INTU: variants seen among roughly 807,000 people sequenced by gnomAD.
INTU encodes the protein protein inturned.
INTU carries 68 observed loss-of-function variants against 100.5 expected under a neutral mutation model. The ratio of observed to expected loss-of-function variants is 0.68; its 90% CI spans 0.56 to 0.83. INTU has a LOEUF of 0.83. Ranked by LOEUF, INTU falls within the 40% of genes least tolerant of loss-of-function variation. The probability of loss-of-function intolerance (pLI) is 0.00; values close to 1 mark genes in which losing one functional copy is unlikely to be tolerated. For missense variants in INTU, 1,071 were observed against 1,114.7 expected (o/e 0.96, Z 0.56); for synonymous variants, 357 against 395.7 (o/e 0.90, Z 1.16).
intron 2 of INTU, among the ~76,000 whole-genome samples, chr4:127,653,475 A>G (rs886685752): frequency 9.3e-5 from 14 of 150,454 alleles, no homozygotes; most frequent in African/African-American, 3.4e-4. Context: ...TCATTTCGTT[A>G]TGTATCCAGT....
intron 2 of INTU, among the ~76,000 whole-genome samples, chr4:127,651,419 T>A (rs1471427036): frequency 6.6e-6 from 1 of 152,218 alleles, no homozygotes; most frequent in Non-Finnish European, 1.5e-5. Context: ...AGGGATCCAG[T>A]TTCAGCTTTC....
intron 6 of INTU, among the ~76,000 whole-genome samples, chr4:127,679,924 C>T (rs1013301378): frequency 6.6e-6 from 1 of 152,134 alleles, no homozygotes; most frequent in African/African-American, 2.4e-5. Context: ...AAGGAGATAT[C>T]ACCACCGATC....
chr4:127,637,000 T>A (rs1727102036), intron 1 of INTU, among the ~76,000 whole-genome samples: 1 of 152,184 alleles, frequency 6.6e-6, no homozygotes. Flanking sequence ...TGAAGATAAT[T>A]CATTGTCTTC....
At chr4:127,715,285 G>A (rs1223279313) in intron 15 of INTU, among the ~76,000 whole-genome samples, 1 of 152,164 alleles carries the variant, frequency 6.6e-6, no homozygotes, top group Admixed American at 6.6e-5. Flanking sequence ...TTGAGTTGGA[G>A]TAGAGGTTGG....
intron 4 of INTU, 42 bp downstream of exon 4, chr4:127,663,626 A>T (rs1213692100): frequency 6.5e-7 from 1 of 1,536,660 alleles, no homozygotes; most frequent in East Asian, 2.3e-5. Flanking sequence ...GTTTAGTCAA[A>T]AGCCCAAAGG....
intron 2 of INTU, among the ~76,000 whole-genome samples, chr4:127,648,331 G>A (rs1578536152): frequency 1.3e-5 from 2 of 152,274 alleles, no homozygotes; most frequent in African/African-American, 2.4e-5. Flanking sequence ...AAATGTCTGG[G>A]AGAATGAGAA....
In INTU at chr4:127,695,692, T is replaced by C. The variant is rs571902891; in HGVS notation, c.1450-4318T>C. ...TCTTCCTTCCCAATCACGTATTTCA[T>C]GTTCTTGCCTTATTGCATTAGCTAG... On this transcript the variant is annotated intron_variant, in intron 8 of 15. Transcript: ENST00000335251. Among the ~76,000 whole-genome samples, 3 of 152,338 alleles carry C rather than the reference T, an allele frequency of 2.0e-5. No homozygotes were observed. In the South Asian group the frequency reaches 6.2e-4, roughly 32 times the overall value.
chr4:127,637,738 T>G (rs2126171985), intron 1 of INTU, among the ~76,000 whole-genome samples: 1 of 152,350 alleles, frequency 6.6e-6, no homozygotes, highest in Non-Finnish European at 1.5e-5. Context: ...GTTTTGTTGA[T>G]GTATGACTTT....
chr4:127,662,513 A>G lies in INTU; in HGVS notation c.769-868A>G, dbSNP rs188453767. 4.6e-5 allele frequency among the ~76,000 whole-genome samples: 7 copies of G among 152,252 alleles called. No individual in the cohort carries two copies. In the East Asian group the frequency reaches 1.3e-3, roughly 29 times the overall value. On this transcript the variant is annotated intron_variant, in intron 3 of 15. Transcript: ENST00000335251. The stretch of plus-strand genomic sequence containing the variant: ...CAATTTTGGTACTTCTTTGAAATGA[A>G]CGAGTTATCTTTGACCAATTGGTAT...
intron 8 of INTU, among the ~76,000 whole-genome samples, chr4:127,694,931 G>A (rs1346506343): frequency 6.6e-6 from 1 of 152,158 alleles, no homozygotes; most frequent in Non-Finnish European, 1.5e-5. Context: ...CTTAAAGTAG[G>A]ATAGTATCAG....
intron 10 of INTU, among the ~76,000 whole-genome samples, chr4:127,704,597 A>G (rs1205443764): frequency 1.3e-5 from 2 of 152,012 alleles, no homozygotes; most frequent in African/African-American, 4.8e-5. Context: ...GCCTGACCAG[A>G]TTAAGACCTT....
At chr4:127,637,779 T>C (rs1295996018) in intron 1 of INTU, among the ~76,000 whole-genome samples, 1 of 152,178 alleles carries the variant, frequency 6.6e-6, no homozygotes, top group Non-Finnish European at 1.5e-5. Flanking sequence ...GTATCACTAA[T>C]TTAGTGATGC....
intron 2 of INTU, among the ~76,000 whole-genome samples, chr4:127,646,844 T>G (rs1727616695): frequency 6.6e-6 from 1 of 152,104 alleles, no homozygotes; most frequent in South Asian, 2.1e-4. Flanking sequence ...ATAACAAAAT[T>G]TATTGTTAGT....
chr4:127,692,555 T>C (rs1578613032), intron 8 of INTU, among the ~76,000 whole-genome samples: 1 of 152,140 alleles, frequency 6.6e-6, no homozygotes, highest in East Asian at 1.9e-4. Flanking sequence ...ACTCTGATGA[T>C]TATTTATTTT....
At chr4:127,698,630 C>G (rs1009873866) in intron 8 of INTU, among the ~76,000 whole-genome samples, 5 of 152,036 alleles carry the variant, frequency 3.3e-5, no homozygotes, top group Non-Finnish European at 7.4e-5. Flanking sequence ...TTTAGTTTTT[C>G]TTCCCAGATA....
chr4:127,665,340 A>G (rs928748301), intron 4 of INTU, among the ~76,000 whole-genome samples: 1 of 151,568 alleles, frequency 6.6e-6, no homozygotes, highest in African/African-American at 2.4e-5. Flanking sequence ...TAAATTTACA[A>G]TTGTGCCTCA....
chr4:127,711,108 G>A lies in INTU; in HGVS notation c.2559+6G>A, dbSNP rs768632844. ...AACAGACATTGGTGGAAGAGGTAGG[G>A]CACTGCTATAAATACAGTTTTCTGC... is the stretch of plus-strand genomic sequence containing the variant. On this transcript the variant is annotated splice_donor_region_variant and intron_variant, in intron 14 of 15. Coordinates refer to ENST00000335251, the MANE Select transcript of INTU (RefSeq NM_015693.4). 2.6e-6 allele frequency: 4 copies of A among 1,564,862 alleles called. No individual in the cohort carries two copies. The African/African-American group carries it at 4.0e-5, about 16-fold the overall frequency.
chr4:127,704,638 A>G (rs1177344306), intron 10 of INTU, among the ~76,000 whole-genome samples: 1 of 152,206 alleles, frequency 6.6e-6, no homozygotes, highest in Non-Finnish European at 1.5e-5. Flanking sequence ...ATACTTGTAA[A>G]TATAATAAAT....
At chr4:127,652,237 C>G (rs1727921231) in intron 2 of INTU, among the ~76,000 whole-genome samples, 1 of 140,122 alleles carries the variant, frequency 7.1e-6, no homozygotes, top group African/African-American at 2.8e-5. Context: ...ATTGCCCTGG[C>G]CAGAACTTCC....
Sources: gnomAD v4.1 joint callset for allele counts (sites outside exome capture counted in the v4.1 genomes callset) on GRCh38, gnomAD v4.1.1 for gene constraint, MANE v1.5 for transcripts, NCBI Gene and HGNC (gene_info 2026-07-23, HGNC 2026-07-21) for gene names.